EPHB1: variants seen among roughly 807,000 people sequenced by gnomAD.
The protein encoded by EPHB1 is ephrin type-B receptor 1.
In EPHB1, 30 loss-of-function variants were observed where a neutral mutation model predicts 94.4. The observed-to-expected ratio is 0.32, with a 90% CI of 0.24 to 0.43. The LOEUF (loss-of-function observed/expected upper bound fraction) is 0.43, where lower values mean the gene tolerates loss of function less well. Ranked by LOEUF, EPHB1 falls within the 20% of genes least tolerant of loss-of-function variation. EPHB1 has a pLI of 1.00. For missense variants in EPHB1, 1,055 were observed against 1,308.3 expected (o/e 0.81, Z 2.99); for synonymous variants, 522 against 489.1 (o/e 1.07, Z -0.89).
At chr3:135,080,240 G>A (rs1403927601) in intron 3 of EPHB1, among the ~76,000 whole-genome samples, 1 of 152,184 alleles carries the variant, frequency 6.6e-6, no homozygotes, top group Non-Finnish European at 1.5e-5. Context: ...GCACTCTGCA[G>A]GGCAAAATCA....
chr3:135,238,960 G>A (rs1036432509), intron 12 of EPHB1, among the ~76,000 whole-genome samples: 1 of 152,190 alleles, frequency 6.6e-6, no homozygotes, highest in African/African-American at 2.4e-5. Context: ...CTGCTTCACT[G>A]GATGAATTCT....
chr3:135,054,463 G>A (rs891022315), intron 3 of EPHB1, among the ~76,000 whole-genome samples: 5 of 152,102 alleles, frequency 3.3e-5, no homozygotes, highest in East Asian at 1.9e-4. Context: ...AGAAAGGGGC[G>A]CTGTATGCTG....
At chr3:135,003,112 C>G (rs1415045630) in intron 3 of EPHB1, among the ~76,000 whole-genome samples, 4 of 151,738 alleles carry the variant, frequency 2.6e-5, no homozygotes, top group Non-Finnish European at 5.9e-5. Context: ...ATAAATTTCC[C>G]TCTACACACT....
At chr3:135,048,435 G>GT (rs1937073633) in intron 3 of EPHB1, among the ~76,000 whole-genome samples, 1 of 151,440 alleles carries the variant, frequency 6.6e-6, no homozygotes, top group South Asian at 2.1e-4. Flanking sequence ...ATGCCTGCCT[G>GT]TTTTTTGTAA....
intron 1 of EPHB1, among the ~76,000 whole-genome samples, chr3:134,871,010 G>T (rs1396230863): frequency 6.6e-6 from 1 of 152,150 alleles, no homozygotes; most frequent in Admixed American, 6.5e-5. Flanking sequence ...TGCCCCTTAG[G>T]CCCCTGGAGT....
chr3:135,019,849 A>G (rs1935929131), intron 3 of EPHB1, among the ~76,000 whole-genome samples: 1 of 152,222 alleles, frequency 6.6e-6, no homozygotes, highest in African/African-American at 2.4e-5. Context: ...TAATGTTGTG[A>G]ACAACTTCAT....
At chr3:135,247,812 T>G (rs1943963392) in intron 13 of EPHB1, among the ~76,000 whole-genome samples, 1 of 152,194 alleles carries the variant, frequency 6.6e-6, no homozygotes, top group African/African-American at 2.4e-5. Flanking sequence ...ATGGAGTAAG[T>G]GCTCCATCAA....
chr3:135,053,207 G>A (rs894438399), intron 3 of EPHB1, among the ~76,000 whole-genome samples: 4 of 150,820 alleles, frequency 2.7e-5, no homozygotes, highest in East Asian at 3.9e-4. Flanking sequence ...GTCTCAACAC[G>A]TAGAAATGAT....
At chr3:134,868,888 C>T (rs1045317348) in intron 1 of EPHB1, among the ~76,000 whole-genome samples, 1 of 152,246 alleles carries the variant, frequency 6.6e-6, no homozygotes, top group African/African-American at 2.4e-5. Context: ...GTGCTGTGCC[C>T]ACTGCCATCC....
At chr3:134,968,374 A>G (rs1158805143) in intron 3 of EPHB1, among the ~76,000 whole-genome samples, 1 of 152,252 alleles carries the variant, frequency 6.6e-6, no homozygotes, top group Non-Finnish European at 1.5e-5. Flanking sequence ...GAAAATTTAA[A>G]GAGATCCAGT....
Position 134,897,074 on chromosome 3 carries a change from C to G in EPHB1, c.59-28742C>G, listed in dbSNP as rs2038099295. Among the ~76,000 whole-genome samples the G allele has an allele frequency of 2.0e-5, 3 of 152,242 alleles. No homozygotes were observed. The South Asian group carries it at 6.2e-4, about 31-fold the overall frequency. ...CTGAAAAGCAGAGGGCAGAGGTGAT[C>G]CATGATTCTCTGCCACAATCAGAGT... On this transcript the variant is annotated intron_variant, in intron 1 of 15. Transcript: ENST00000398015.
intron 1 of EPHB1, among the ~76,000 whole-genome samples, chr3:134,921,160 A>G (rs1272051319): frequency 6.6e-6 from 1 of 151,838 alleles, no homozygotes; most frequent in East Asian, 1.9e-4. Context: ...CCTTTTGCTC[A>G]CTGTTTTTCT....
chr3:135,044,573 C>G (rs1936942649), intron 3 of EPHB1, among the ~76,000 whole-genome samples: 1 of 152,206 alleles, frequency 6.6e-6, no homozygotes, highest in Non-Finnish European at 1.5e-5. Context: ...ACTGCTTCAC[C>G]TCTTTAGGTC....
intron 5 of EPHB1, among the ~76,000 whole-genome samples, chr3:135,137,981 G>A (rs999994851): frequency 3.3e-5 from 5 of 152,174 alleles, no homozygotes; most frequent in African/African-American, 1.2e-4. Flanking sequence ...TGATGAGGTA[G>A]GAAGTGGAGC....
intron 3 of EPHB1, among the ~76,000 whole-genome samples, chr3:134,975,041 C>A (rs1424339872): frequency 1.3e-5 from 2 of 151,924 alleles, no homozygotes; most frequent in African/African-American, 4.8e-5. Flanking sequence ...CCTCCCCCAC[C>A]TCTCTCTTAA....
intron 3 of EPHB1, among the ~76,000 whole-genome samples, chr3:135,096,197 A>G (rs962027236): frequency 6.6e-6 from 1 of 152,220 alleles, no homozygotes; most frequent in Admixed American, 6.5e-5. Flanking sequence ...GGAATTTTAC[A>G]TGTATTACAC....
intron 1 of EPHB1, among the ~76,000 whole-genome samples, chr3:134,799,103 C>T (rs568175359): frequency 2.0e-5 from 3 of 152,310 alleles, no homozygotes; most frequent in African/African-American, 4.8e-5. Context: ...CATGAGTGCA[C>T]GACTAAATTA....
At chr3:135,080,169 G>A (rs1252480263) in intron 3 of EPHB1, among the ~76,000 whole-genome samples, 2 of 152,216 alleles carry the variant, frequency 1.3e-5, no homozygotes, top group African/African-American at 4.8e-5. Context: ...AAGGGAGAAA[G>A]GGGAGAGAGG....
At chr3:134,884,907 C>T (rs2037831931) in intron 1 of EPHB1, among the ~76,000 whole-genome samples, 2 of 152,200 alleles carry the variant, frequency 1.3e-5, no homozygotes, top group South Asian at 4.1e-4. Flanking sequence ...TGTGTATGTA[C>T]ATACAGGCAT....
Sources: gnomAD v4.1 joint callset for allele counts (sites outside exome capture counted in the v4.1 genomes callset) on GRCh38, gnomAD v4.1.1 for gene constraint, MANE v1.5 for transcripts, NCBI Gene and HGNC (gene_info 2026-07-23, HGNC 2026-07-21) for gene names.